Variants in SLC4A5 observed in about 807,000 individuals in gnomAD.
SLC4A5 encodes the protein electrogenic sodium bicarbonate cotransporter 4.
A neutral mutation model predicts 120.4 loss-of-function variants in SLC4A5; 96 were observed. That is an observed-to-expected ratio of 0.80 (90% confidence interval 0.68 to 0.94). SLC4A5 has a LOEUF of 0.94. SLC4A5 is among the 40% of genes least tolerant of loss of function. The pLI, the probability that SLC4A5 is intolerant of heterozygous loss-of-function variation, is 0.00. For missense variants in SLC4A5, 1,259 were observed against 1,459.5 expected (o/e 0.86, Z 2.24); for synonymous variants, 550 against 571.1 (o/e 0.96, Z 0.53).
intron 6 of SLC4A5, among the ~76,000 whole-genome samples, chr2:74,311,301 T>C (rs1307549125): frequency 2.0e-5 from 3 of 152,170 alleles, no homozygotes; most frequent in Non-Finnish European, 2.9e-5. Flanking sequence ...ATTTCACTGA[T>C]TTCTGCTCTA....
intron 7 of SLC4A5, among the ~76,000 whole-genome samples, chr2:74,296,711 C>A (rs978441745): frequency 6.7e-6 from 1 of 150,058 alleles, no homozygotes; most frequent in Non-Finnish European, 1.5e-5. Context: ...ATTGCTTGAA[C>A]CTGGAGCGGA....
chr2:74,228,346 G>A (rs890051441), intron 25 of SLC4A5, among the ~76,000 whole-genome samples: 9 of 152,168 alleles, frequency 5.9e-5, no homozygotes, highest in African/African-American at 1.9e-4. Context: ...TCACGCATCC[G>A]GCCGGGTGTG....
chr2:74,328,560 C>G (rs988587632), intron 4 of SLC4A5, among the ~76,000 whole-genome samples: 1 of 152,148 alleles, frequency 6.6e-6, no homozygotes, highest in African/African-American at 2.4e-5. Context: ...TGGAAGAGAA[C>G]TTGAAGAATC....
chr2:74,239,238 C>T (rs554078419), intron 21 of SLC4A5, 97 bp downstream of exon 21: 16 of 1,184,454 alleles, frequency 1.4e-5, no homozygotes, highest in Non-Finnish European at 1.7e-5. Flanking sequence ...GGCCAGTGCT[C>T]GCATGGAGTC....
At chr2:74,220,953 G>A (rs1228081857) in intron 30 of SLC4A5, among the ~76,000 whole-genome samples, 2 of 147,036 alleles carry the variant, frequency 1.4e-5, no homozygotes, top group Non-Finnish European at 3.0e-5. Flanking sequence ...CCATTCCCCT[G>A]CCTCAGCCTC....
chr2:74,305,226 C>G (rs1269469839), intron 6 of SLC4A5, among the ~76,000 whole-genome samples: 1 of 152,144 alleles, frequency 6.6e-6, no homozygotes, highest in Non-Finnish European at 1.5e-5. Flanking sequence ...CACTAATAAG[C>G]CTGATTACTA....
chr2:74,306,013 C>T (rs928422359), intron 6 of SLC4A5, among the ~76,000 whole-genome samples: 2 of 152,152 alleles, frequency 1.3e-5, no homozygotes, highest in African/African-American at 4.8e-5. Flanking sequence ...CGTGAGCCAC[C>T]GTGCCTGGCT....
intron 11 of SLC4A5, among the ~76,000 whole-genome samples, chr2:74,259,878 T>A (rs567606865): frequency 3.9e-5 from 6 of 152,284 alleles, no homozygotes; most frequent in Non-Finnish European, 7.4e-5. Flanking sequence ...CTCCTCAATC[T>A]ACCACACTCT....
intron 6 of SLC4A5, chr2:74,306,848 G>T: frequency 3.1e-6 from 2 of 645,964 alleles, no homozygotes; most frequent in South Asian, 2.9e-5. Context: ...CACCAAGATT[G>T]AAGTCCTTGC....
chr2:74,305,416 G>A (rs1402784048), intron 6 of SLC4A5, among the ~76,000 whole-genome samples: 1 of 152,062 alleles, frequency 6.6e-6, no homozygotes, highest in Non-Finnish European at 1.5e-5. Context: ...AGCACACAGA[G>A]TTCAATATAC....
At chr2:74,304,979 A>G (rs1015956225) in intron 6 of SLC4A5, among the ~76,000 whole-genome samples, 3 of 152,342 alleles carry the variant, frequency 2.0e-5, no homozygotes, top group Admixed American at 6.5e-5. Flanking sequence ...GGCTTATGAC[A>G]CGTGGTTAAG....
chr2:74,300,296 T>G (rs1672440787), intron 7 of SLC4A5, among the ~76,000 whole-genome samples: 4 of 152,228 alleles, frequency 2.6e-5, no homozygotes, highest in Admixed American at 2.6e-4. Flanking sequence ...AATACTGTAT[T>G]GCATACTTGA....
At chr2:74,304,085 G>A (rs939599825) in intron 7 of SLC4A5, among the ~76,000 whole-genome samples, 1 of 152,068 alleles carries the variant, frequency 6.6e-6, no homozygotes, top group Admixed American at 6.5e-5. Flanking sequence ...TCCTGACCTC[G>A]TGATCCGCCC....
chr2:74,284,661 G>A (rs1051450147), intron 8 of SLC4A5, among the ~76,000 whole-genome samples: 1 of 152,024 alleles, frequency 6.6e-6, no homozygotes, highest in Non-Finnish European at 1.5e-5. Context: ...CCTTCCCCTT[G>A]GGCTCTTGGG....
chr2:74,243,178 C>A (rs922926038), intron 19 of SLC4A5, among the ~76,000 whole-genome samples: 1 of 152,170 alleles, frequency 6.6e-6, no homozygotes, highest in Admixed American at 6.5e-5. Context: ...GATCACATGA[C>A]GGTCTACAGG....
chr2:74,314,830 G>A, intron 6 of SLC4A5, 115 bp downstream of exon 6: 2 of 923,082 alleles, frequency 2.2e-6, no homozygotes, highest in Non-Finnish European at 3.5e-6. Context: ...CTGTGGATGA[G>A]TCAGGAAAAG....
At chr2:74,258,822 G>A (rs1040458435) in intron 12 of SLC4A5, among the ~76,000 whole-genome samples, 7 of 152,170 alleles carry the variant, frequency 4.6e-5, no homozygotes, top group African/African-American at 1.7e-4. Context: ...CTGACATGAG[G>A]GGCTGACTTT....
intron 19 of SLC4A5, among the ~76,000 whole-genome samples, chr2:74,242,684 C>CT (rs35385420): frequency 0.054 from 8,233 of 152,190 alleles, 307 homozygotes; most frequent in Non-Finnish European, 0.082. Flanking sequence ...CTTCCAGCCT[C>CT]TTTTTTTGCC....
At position 74,328,105 on chromosome 2, in the gene SLC4A5, C is replaced by G; in HGVS notation, c.-3+15G>C. 1 of 985,666 alleles carries G rather than the reference C, an allele frequency of 1.0e-6. No individual in the cohort carries two copies. The highest frequency in any genetic ancestry group is 1.2e-6 in the Non-Finnish European group (1 of 829,758). The allele number at this position is 985,666 out of a possible 1,614,324, so 61.1% of individuals were successfully genotyped here. ...CTCTGTCTACTTTCTCTGAAGCTTC[C>G]AGCTGCAAACTTACCTTTGTGTTCT... On this transcript the variant is annotated intron_variant, in intron 5 of 30. Coordinates refer to ENST00000394019, the Ensembl canonical transcript of SLC4A5.
Sources: allele counts gnomAD v4.1 joint callset (sites outside exome capture counted in the v4.1 genomes callset), GRCh38; gene constraint gnomAD v4.1.1; transcripts MANE v1.5; gene names NCBI Gene and HGNC (gene_info 2026-07-23, HGNC 2026-07-21).